Variants in FTCDNL1 observed in about 807,000 individuals in gnomAD.
The protein encoded by FTCDNL1 is formiminotransferase cyclodeaminase N-terminal like.
In FTCDNL1, 11 loss-of-function variants were observed where a neutral mutation model predicts 5.9. The ratio of observed to expected loss-of-function variants is 1.87; its 90% CI spans 1.18 to 3.10. The LOEUF (loss-of-function observed/expected upper bound fraction) is 3.10, where lower values mean the gene tolerates loss of function less well. FTCDNL1 is among the 30% of genes most tolerant of loss of function. The probability of loss-of-function intolerance (pLI) is 0.00; values close to 1 mark genes in which losing one functional copy is unlikely to be tolerated. For missense variants in FTCDNL1, 115 were observed against 65.5 expected, an observed-to-expected ratio of 1.76 and a Z score of -2.61; for synonymous variants, 58 against 24.8, an observed-to-expected ratio of 2.34 and a Z score of -3.99.
At chr2:199,667,940 G>A in the FTCDNL1 span, among the ~76,000 whole-genome samples, 3 of 152,100 alleles carry the variant, frequency 2.0e-5, no homozygotes, top group Non-Finnish European at 1.5e-5. Flanking sequence ...AAGACAATAT[G>A]CACAAAAAAT....
At chr2:199,735,481 T>C in the FTCDNL1 span, among the ~76,000 whole-genome samples, 6 of 152,184 alleles carry the variant, frequency 3.9e-5, no homozygotes, top group Non-Finnish European at 5.9e-5. Context: ...TTTTTACATG[T>C]GTATAACAAA....
intron 4 of FTCDNL1, among the ~76,000 whole-genome samples, chr2:199,815,072 C>T (rs1701270716): frequency 6.6e-6 from 1 of 152,180 alleles, no homozygotes; most frequent in African/African-American, 2.4e-5. Flanking sequence ...ATTCATACAA[C>T]ATATCAGACA....
At chr2:199,768,644 G>A (rs1698654014) in intron 3 of FTCDNL1, among the ~76,000 whole-genome samples, 1 of 152,090 alleles carries the variant, frequency 6.6e-6, no homozygotes, top group South Asian at 2.1e-4. Flanking sequence ...AAGAGTAATG[G>A]CAGGTACCTG....
At chr2:199,737,854 G>T in the FTCDNL1 span, among the ~76,000 whole-genome samples, 1 of 152,202 alleles carries the variant, frequency 6.6e-6, no homozygotes, top group Non-Finnish European at 1.5e-5. Context: ...TTACTGAGAG[G>T]TAGAGTAATG....
chr2:199,771,018 A>C (rs1333098392), intron 3 of FTCDNL1, among the ~76,000 whole-genome samples: 2 of 152,214 alleles, frequency 1.3e-5, no homozygotes, highest in Admixed American at 1.3e-4. Flanking sequence ...TGTATACAGC[A>C]CTGAAGGCAA....
chr2:199,703,169 AG>A, the FTCDNL1 span, among the ~76,000 whole-genome samples: 1 of 152,018 alleles, frequency 6.6e-6, no homozygotes, highest in South Asian at 2.1e-4. Context: ...CTCATCATTT[AG>A]CATTAGGTAT....
At chr2:199,744,012 T>C in the FTCDNL1 span, among the ~76,000 whole-genome samples, 1 of 152,218 alleles carries the variant, frequency 6.6e-6, no homozygotes, top group African/African-American at 2.4e-5. Context: ...AGGCTTTATA[T>C]GTTTCTTGTA....
chr2:199,797,172 A>G (rs2106385771), intron 3 of FTCDNL1, among the ~76,000 whole-genome samples: 1 of 152,358 alleles, frequency 6.6e-6, no homozygotes, highest in East Asian at 1.9e-4. Flanking sequence ...ATAAAGATAC[A>G]CTTTCAATTT....
chr2:199,810,826 T>C lies in FTCDNL1; in HGVS notation c.*1879A>G, dbSNP rs1327002178. Among the ~76,000 whole-genome samples the C allele has an allele frequency of 6.6e-6, 1 of 152,214 alleles. No individual in the cohort carries two copies. Among genetic ancestry groups the C allele is most frequent in the Non-Finnish European group, 1.5e-5 (1 of 68,038 alleles). ...ATGTGATCATTCCTTAGCTACTATT[T>C]CAACATTATTTTACTGTCATTACTT... On this transcript the variant is annotated 3_prime_UTR_variant, in exon 5 of 5. Coordinates refer to ENST00000420128, the MANE Select transcript of FTCDNL1 (RefSeq NM_001363886.2).
chr2:199,794,972 T>A (rs1341592181), intron 3 of FTCDNL1, among the ~76,000 whole-genome samples: 1 of 152,208 alleles, frequency 6.6e-6, no homozygotes, highest in South Asian at 2.1e-4. Context: ...GGCAACAACA[T>A]GTAGGGACTT....
chr2:199,673,327 C>CAAAAAAAAAAAAAAA, the FTCDNL1 span, among the ~76,000 whole-genome samples: 1 of 69,792 alleles, frequency 1.4e-5, no homozygotes, highest in African/African-American at 6.0e-5. Flanking sequence ...GACTCTGTCT[C>CAAAAAAAAAAAAAAA]AAAAAAAAAA....
chr2:199,680,519 G>A, the FTCDNL1 span, among the ~76,000 whole-genome samples: 1 of 152,166 alleles, frequency 6.6e-6, no homozygotes, highest in African/African-American at 2.4e-5. Flanking sequence ...TTAGATTTAG[G>A]AGCTCTGACA....
At chr2:199,742,724 A>C in the FTCDNL1 span, among the ~76,000 whole-genome samples, 1 of 152,222 alleles carries the variant, frequency 6.6e-6, no homozygotes, top group African/African-American at 2.4e-5. Context: ...AAGGTTACAC[A>C]ACAGGTGGAA....
intron 3 of FTCDNL1, among the ~76,000 whole-genome samples, chr2:199,765,443 A>G (rs899814151): frequency 6.7e-6 from 1 of 150,344 alleles, no homozygotes; most frequent in African/African-American, 2.4e-5. Flanking sequence ...TAGTAATAAT[A>G]TGGACCTTTA....
At chr2:199,702,815 T>G in the FTCDNL1 span, among the ~76,000 whole-genome samples, 1 of 152,072 alleles carries the variant, frequency 6.6e-6, no homozygotes, top group Non-Finnish European at 1.5e-5. Flanking sequence ...TGGTGACATT[T>G]AAGGAGAAAG....
chr2:199,836,596 C>T (rs759589635), intron 3 of FTCDNL1, among the ~76,000 whole-genome samples: 1 of 152,080 alleles, frequency 6.6e-6, no homozygotes, highest in Non-Finnish European at 1.5e-5. Flanking sequence ...AGGGAGACCC[C>T]ATCCTACAAA....
chr2:199,734,148 A>T, the FTCDNL1 span, among the ~76,000 whole-genome samples: 1 of 152,314 alleles, frequency 6.6e-6, no homozygotes, highest in African/African-American at 2.4e-5. Context: ...TCTTCCAGTC[A>T]CACAAAAACG....
chr2:199,789,673 T>C (rs1260747557), intron 3 of FTCDNL1, among the ~76,000 whole-genome samples: 22 of 152,112 alleles, frequency 1.4e-4, no homozygotes, highest in Admixed American at 1.4e-3. Context: ...AATTACTTCT[T>C]TTCATTGGTA....
At chr2:199,760,456 C>T (rs771634474), downstream of FTCDNL1, 34 of 212,854 alleles carry the variant, frequency 1.6e-4, no homozygotes, top group Non-Finnish European at 3.1e-4. Flanking sequence ...GGGCTCCTTC[C>T]GGAGTGTAAA....
Sources: gnomAD v4.1 joint callset for allele counts (sites outside exome capture counted in the v4.1 genomes callset) on GRCh38, gnomAD v4.1.1 for gene constraint, MANE v1.5 for transcripts, NCBI Gene and HGNC (gene_info 2026-07-23, HGNC 2026-07-21) for gene names.